Variants in RASA3 observed in about 807,000 individuals in gnomAD.
The protein encoded by RASA3 is RAS p21 protein activator 3, also known as ras GTPase-activating protein 3.
A neutral mutation model predicts 110.0 loss-of-function variants in RASA3; 73 were observed. That is an observed-to-expected ratio of 0.66 (90% CI 0.55 to 0.81). RASA3 has a LOEUF of 0.81. Ranked by LOEUF, RASA3 falls within the 30% of genes least tolerant of loss-of-function variation. RASA3 has a pLI of 0.00. For missense variants in RASA3, 976 were observed against 1,113.2 expected (o/e 0.88, Z 1.75); for synonymous variants, 500 against 451.4 (o/e 1.11, Z -1.37).
rs2079097227 is a variant in RASA3 at position 114,048,810 on chromosome 13, C to T, written c.277+3242G>A. Among the ~76,000 whole-genome samples the T allele has an allele frequency of 6.6e-6, 1 of 152,070 alleles. No individual in the cohort carries two copies. Among genetic ancestry groups the T allele is most frequent in the African/African-American group, 2.4e-5 (1 of 41,436 alleles). ...GGTCACGCCGCCCGGGACCCGCCGA[C>T]ACTGGACACTTCTCCTGCTCCTGCT... On this transcript the variant is annotated intron_variant, in intron 3 of 23. Coordinates refer to ENST00000334062, the MANE Select transcript of RASA3 (RefSeq NM_007368.4). This position sits in a 1 kb window ranked among gnomAD's most constrained non-coding sequence, Gnocchi z 4.3.
At chr13:114,062,764 C>T (rs926642637) in intron 2 of RASA3, among the ~76,000 whole-genome samples, 1 of 152,234 alleles carries the variant, frequency 6.6e-6, no homozygotes, top group South Asian at 2.1e-4. Context: ...GACAGCCAGA[C>T]AGTGGAAACA....
chr13:114,034,545 G>A (rs1594361262), intron 4 of RASA3, among the ~76,000 whole-genome samples: 1 of 152,214 alleles, frequency 6.6e-6, no homozygotes, highest in East Asian at 1.9e-4. Context: ...CCTGCAGCAT[G>A]AATCCCTCCT....
chr13:114,072,808 A>G (rs1175496884), intron 2 of RASA3, among the ~76,000 whole-genome samples: 2 of 152,214 alleles, frequency 1.3e-5, no homozygotes, highest in Non-Finnish European at 2.9e-5. Context: ...TAATCTACAT[A>G]CAGAAAAATT....
intron 5 of RASA3, 29 bp downstream of exon 5, chr13:114,029,782 G>A (rs886707196): frequency 1.2e-5 from 19 of 1,570,200 alleles, no homozygotes; most frequent in Non-Finnish European, 1.5e-5. Context: ...CTCGCTGTGC[G>A]CTCGGTCTCT....
At chr13:114,047,461 G>C (rs2079071449) in intron 3 of RASA3, among the ~76,000 whole-genome samples, 1 of 152,230 alleles carries the variant, frequency 6.6e-6, no homozygotes, top group African/African-American at 2.4e-5. Flanking sequence ...AGAGAAGGCA[G>C]ACTGGGTGAC....
intron 1 of RASA3, among the ~76,000 whole-genome samples, chr13:114,109,740 G>T (rs886084723): frequency 6.6e-6 from 1 of 151,682 alleles, no homozygotes; most frequent in Non-Finnish European, 1.5e-5. Flanking sequence ...TCCAAACGCC[G>T]TGAGCAGCCT....
intron 1 of RASA3, among the ~76,000 whole-genome samples, chr13:114,126,647 A>T (rs9562069): frequency 0.22 from 33,656 of 152,140 alleles, 3,907 homozygotes; most frequent in Middle Eastern, 0.3. Flanking sequence ...TCTTTTTCAA[A>T]TTATATATTT....
chr13:114,013,977 G>C (rs141555461), intron 14 of RASA3, among the ~76,000 whole-genome samples: 629 of 60,686 alleles, frequency 0.01, 15 homozygotes, highest in African/African-American at 0.031. Flanking sequence ...TCTCCGTCTC[G>C]ATCTCTCTCT....
At chr13:114,032,371 G>C (rs1387287106) in intron 4 of RASA3, among the ~76,000 whole-genome samples, 1 of 152,082 alleles carries the variant, frequency 6.6e-6, no homozygotes, top group Non-Finnish European at 1.5e-5. Flanking sequence ...CTCTATATCC[G>C]ACCCATGGGC....
chr13:114,015,743 A>G (rs918492689), intron 13 of RASA3, among the ~76,000 whole-genome samples: 1 of 152,240 alleles, frequency 6.6e-6, no homozygotes, highest in South Asian at 2.1e-4. Flanking sequence ...TTTAAAACGC[A>G]GTACACAGCT....
chr13:113,999,742 T>A (rs2053340247), intron 19 of RASA3, 75 bp from the exon 20 acceptor site: 7 of 1,043,590 alleles, frequency 6.7e-6, no homozygotes, highest in Admixed American at 4.2e-5. Flanking sequence ...CTGAGGGGTC[T>A]CTGCCGGGGG....
intron 1 of RASA3, among the ~76,000 whole-genome samples, chr13:114,117,896 G>A (rs1361930417): frequency 6.7e-6 from 1 of 150,032 alleles, no homozygotes; most frequent in Non-Finnish European, 1.5e-5. Flanking sequence ...GGGTGCACGT[G>A]TGTGAGGGGT....
chr13:114,013,825 TCTCCGTCTGTCTCTCTCTCCATC>T (rs1395350770), intron 14 of RASA3, among the ~76,000 whole-genome samples: 16 of 147,988 alleles, frequency 1.1e-4, no homozygotes, highest in East Asian at 2.1e-4. Flanking sequence ...CGTCTCTTTC[TCTCCGTCTGTCTCTCTCTCCATC>T]TCTCTGTCTC....
intron 2 of RASA3, among the ~76,000 whole-genome samples, chr13:114,072,351 C>A (rs979054602): frequency 1.3e-5 from 2 of 152,226 alleles, no homozygotes; most frequent in South Asian, 2.1e-4. Context: ...CATCTTCACA[C>A]GCTCAAGTTG....
At chr13:114,043,706 G>A (rs1322386346) in intron 3 of RASA3, among the ~76,000 whole-genome samples, 2 of 152,024 alleles carry the variant, frequency 1.3e-5, no homozygotes, top group African/African-American at 2.4e-5. Flanking sequence ...GTGGGAGAAG[G>A]AACACCAGGG....
chr13:114,130,070 G>A (rs2080497501), intron 1 of RASA3, among the ~76,000 whole-genome samples: 1 of 152,200 alleles, frequency 6.6e-6, no homozygotes, highest in African/African-American at 2.4e-5. Context: ...TTCTACAGAT[G>A]GGCTTTCTGC....
chr13:114,052,102 A>G lies in RASA3; in HGVS notation c.227T>C (p.Leu76Pro). The part of the protein sequence containing the change: ...YCEIPRSFRH[L>P]SFYIFDRDVF... ...GTCTCTATCGAAAATGTAGAAGGAC[A>G]GGTGACGAAAGCTCCGAGGAATTTC... The change falls in exon 3 of 24, where the codon CTG (leucine) becomes CCG (proline). Residue 76 changes from leucine (L) to proline (P), a missense_variant. By Grantham distance (98) the Leu-to-Pro change is moderately conservative. Around this residue, in one of 4 missense-constraint regions of RASA3, gnomAD observed 732 missense variants for 779.7 expected, o/e 0.94. Coordinates refer to ENST00000334062, the MANE Select transcript of RASA3 (RefSeq NM_007368.4). 3 of 1,613,478 alleles carry G rather than the reference A, an allele frequency of 1.9e-6. No individual in the cohort carries two copies. The highest frequency in any genetic ancestry group is 2.5e-6 in the Non-Finnish European group (3 of 1,179,712).
At chr13:113,991,185 C>T (rs113746393) in intron 22 of RASA3, among the ~76,000 whole-genome samples, 4 of 63,380 alleles carry the variant, frequency 6.3e-5, no homozygotes, top group African/African-American at 1.2e-4. Context: ...GTGCGGACAC[C>T]CAGGGCATGC....
Position 114,017,171 on chromosome 13 carries a change from T to G in RASA3, c.1206+66A>C, listed in dbSNP as rs2053811634. ...GTGGTCTGGCTGGATCCCAGTGCAG[T>G]GCCCTCTGTTGGGGGAAATCCTCCC... On this transcript the variant is annotated intron_variant, in intron 12 of 23. Transcript: ENST00000334062. The G allele has an allele frequency of 9.1e-6, 13 of 1,420,846 alleles. No individual in the cohort carries two copies. The South Asian group carries it at 1.4e-4, about 15-fold the overall frequency. The allele number at this position is 1,420,846 out of a possible 1,614,324, so 88.0% of individuals were successfully genotyped here.
Sources: allele counts gnomAD v4.1 joint callset (sites outside exome capture counted in the v4.1 genomes callset), GRCh38; gene constraint gnomAD v4.1.1; regional missense constraint gnomAD v4.1.1; non-coding constraint Gnocchi (gnomAD v3.1); transcripts MANE v1.5; gene names NCBI Gene and HGNC (gene_info 2026-07-23, HGNC 2026-07-21).